KRT8: variants seen among roughly 807,000 people sequenced by gnomAD.
KRT8 encodes keratin 8, also known as keratin, type II cytoskeletal 8.
A neutral mutation model predicts 43.0 loss-of-function variants in KRT8; 24 were observed. That is an observed-to-expected ratio of 0.56 (90% CI 0.40 to 0.78). KRT8 has a LOEUF of 0.78. Among genes scored for constraint, KRT8 ranks in the 30% least tolerant of loss-of-function variants. The pLI is 0.00. For missense variants in KRT8, 492 were observed against 638.4 expected, an observed-to-expected ratio of 0.77 and a Z score of 2.47; for synonymous variants, 214 against 261.2, an observed-to-expected ratio of 0.82 and a Z score of 1.74.
At chr12:52,902,826 A>C (rs9652002) in intron 1 of KRT8, among the ~76,000 whole-genome samples, 22,797 of 151,974 alleles carry the variant, frequency 0.15, 2,479 homozygotes, top group East Asian at 0.48. Context: ...AGCCTGGCCA[A>C]CATATTGAAA....
upstream of KRT8, among the ~76,000 whole-genome samples, chr12:52,909,988 A>T (rs117218400): frequency 6.3e-4 from 96 of 151,854 alleles, no homozygotes; most frequent in Admixed American, 3.7e-3. Context: ...GCCCAGCCTG[A>T]CTCGAACTCC....
At chr12:52,907,907 C>T (rs1379129259), upstream of KRT8, among the ~76,000 whole-genome samples, 1 of 152,226 alleles carries the variant, frequency 6.6e-6, no homozygotes, top group African/African-American at 2.4e-5. Flanking sequence ...AGCAGGCCCA[C>T]AGGTACAACT....
intron 1 of KRT8, 128 bp downstream of exon 1, chr12:52,904,530 G>A (rs1199939062): frequency 2.3e-6 from 2 of 879,610 alleles, no homozygotes; most frequent in African/African-American, 1.7e-5. Context: ...AGGATGGAAG[G>A]GAGAGTGTCG....
exon 7 of KRT8, chr12:52,898,483 C>A (rs549571104): frequency 6.2e-7 from 1 of 1,613,922 alleles, no homozygotes; most frequent in South Asian, 1.1e-5. Flanking sequence ...TGGTGGTCTT[C>A]GTATGAATAC....
chr12:52,921,491 C>T (rs1376135470), intron 2 of KRT8, among the ~76,000 whole-genome samples: 4 of 152,158 alleles, frequency 2.6e-5, no homozygotes, highest in Non-Finnish European at 5.9e-5. Flanking sequence ...CACCCCCAGG[C>T]CCCCATGGCC....
At chr12:52,928,398 C>A (rs1472290416) in intron 2 of KRT8, among the ~76,000 whole-genome samples, 3 of 152,142 alleles carry the variant, frequency 2.0e-5, no homozygotes, top group Non-Finnish European at 4.4e-5. Flanking sequence ...CCATTCCCAC[C>A]CTTACCTCCC....
chr12:52,940,007 A>G (rs79078147), intron 2 of KRT8, among the ~76,000 whole-genome samples: 3,096 of 152,310 alleles, frequency 0.02, 52 homozygotes, highest in Non-Finnish European at 0.027. Flanking sequence ...GTGAATGGAT[A>G]AACAAATTAT....
intron 2 of KRT8, among the ~76,000 whole-genome samples, chr12:52,928,672 A>C (rs186233863): frequency 6.6e-6 from 1 of 152,326 alleles, no homozygotes; most frequent in East Asian, 1.9e-4. Flanking sequence ...TGGGAGTCCG[A>C]GGTGTGTGGA....
exon 1 of KRT8, chr12:52,949,810 G>C (rs781160175): frequency 1.4e-6 from 1 of 707,266 alleles, no homozygotes; most frequent in South Asian, 1.5e-5. Flanking sequence ...AAGGGGACAG[G>C]GTTGAGAGCT....
chr12:52,905,105 G>T (rs909416139), upstream of KRT8: 3 of 1,450,476 alleles, frequency 2.1e-6, no homozygotes, highest in Non-Finnish European at 2.7e-6. Context: ...TCCCAGCCCC[G>T]GGGGATGGGG....
At chr12:52,917,723 A>AAG in intron 2 of KRT8, among the ~76,000 whole-genome samples, 1 of 151,526 alleles carries the variant, frequency 6.6e-6, no homozygotes, top group East Asian at 2.0e-4. Flanking sequence ...AAAAAAAAAA[A>AAG]AAAAAATTCG....
At chr12:52,926,336 T>TCCCCCCCC in intron 2 of KRT8, 3 of 385,522 alleles carry the variant, frequency 7.8e-6, no homozygotes, top group Admixed American at 3.6e-5. Flanking sequence ...CTAGCTGCCC[T>TCCCCCCCC]CCCCACCCCA....
chr12:52,897,264 T>C (rs979708912), exon 8 of KRT8: 18 of 708,108 alleles, frequency 2.5e-5, no homozygotes, highest in African/African-American at 2.5e-4. Context: ...GCTGGAGGCA[T>C]GGGCAAGGGG....
At chr12:52,941,865 A>C (rs74462879) in intron 2 of KRT8, among the ~76,000 whole-genome samples, 13,216 of 152,090 alleles carry the variant, frequency 0.087, 1,865 homozygotes, top group African/African-American at 0.3. Flanking sequence ...GTCCTTCAGC[A>C]CGTAGAACGC....
At chr12:52,931,071 C>CT (rs796664998) in intron 2 of KRT8, among the ~76,000 whole-genome samples, 2,228 of 146,120 alleles carry the variant, frequency 0.015, 25 homozygotes, top group African/African-American at 0.035. Context: ...CCCCCAGATT[C>CT]TTTTTTTTTT....
chr12:52,936,943 G>A (rs1313073556), intron 2 of KRT8, among the ~76,000 whole-genome samples: 1 of 152,184 alleles, frequency 6.6e-6, no homozygotes, highest in Non-Finnish European at 1.5e-5. Flanking sequence ...CACAGACTGG[G>A]AGAAAATAGT....
rs1941469030 is a variant in KRT8 at position 52,904,755 on chromosome 12, A to C, written c.227T>G (p.Leu76Arg). Reference sequence around the variant, plus strand: ...GATGTTGGGGTCCACCTCCAGGACAAGGGGGCTCAGCAGGCTCTGGTTGAC... The same window carrying C: ...GATGTTGGGGTCCACCTCCAGGACACGGGGGCTCAGCAGGCTCTGGTTGAC... The change falls in exon 1 of 8, where the codon CTT becomes CGT. Residue 76 changes from leucine (L) to arginine (R), a missense_variant. Physicochemically the swap from Leu to Arg is moderately radical, Grantham distance 102 (BLOSUM62 -2). Transcript: ENST00000692008. 1.9e-6 allele frequency: 3 copies of C among 1,612,422 alleles called. No homozygotes were observed. In the East Asian group the frequency reaches 6.7e-5, roughly 36 times the overall value.
At chr12:52,948,684 G>T in intron 2 of KRT8, 1 of 365,932 alleles carries the variant, frequency 2.7e-6, no homozygotes, top group Non-Finnish European at 4.9e-6. Context: ...TAGAGAGGGG[G>T]TTTCACCATG....
At chr12:52,940,391 C>G (rs7963420) in intron 2 of KRT8, among the ~76,000 whole-genome samples, 7,888 of 148,542 alleles carry the variant, frequency 0.053, 698 homozygotes, top group African/African-American at 0.19. Flanking sequence ...CAAGATCATG[C>G]CACTGCACTC....
Sources: gnomAD v4.1 joint callset for allele counts (sites outside exome capture counted in the v4.1 genomes callset) on GRCh38, gnomAD v4.1.1 for gene constraint, MANE v1.5 for transcripts, NCBI Gene and HGNC (gene_info 2026-07-23, HGNC 2026-07-21) for gene names.